EDRF1: variants seen among roughly 807,000 people sequenced by gnomAD.
The protein encoded by EDRF1 is erythroid differentiation-related factor 1.
In EDRF1, 69 loss-of-function variants were observed where a neutral mutation model predicts 148.7. The ratio of observed to expected loss-of-function variants is 0.46; its 90% CI spans 0.38 to 0.57. The LOEUF (loss-of-function observed/expected upper bound fraction) is 0.57, where lower values mean the gene tolerates loss of function less well. Ranked by LOEUF, EDRF1 falls within the 20% of genes least tolerant of loss-of-function variation. EDRF1 has a pLI of 0.00. For synonymous variants in EDRF1, 515 were observed against 532.8 expected, an observed-to-expected ratio of 0.97 and a Z score of 0.46; for missense variants, 1,118 against 1,478.7, an observed-to-expected ratio of 0.76 and a Z score of 4.00.
chr10:125,740,073 C>CT (rs1222287735), intron 15 of EDRF1, among the ~76,000 whole-genome samples: 1 of 152,180 alleles, frequency 6.6e-6, no homozygotes, highest in Non-Finnish European at 1.5e-5. Context: ...AAACATGCAA[C>CT]TAGCTAAGTG....
Position 125,723,127 on chromosome 10 carries a change from A to G in EDRF1, c.377A>G (p.Asp126Gly). 1.2e-6 allele frequency: 2 copies of G among 1,613,524 alleles called. No individual in the cohort carries two copies. The highest frequency in any genetic ancestry group is 1.7e-6 in the Non-Finnish European group (2 of 1,179,638). The change falls in exon 3 of 25, where the codon GAC (aspartate) becomes GGC (glycine). Residue 126 changes from aspartate to glycine, a missense_variant. By Grantham distance (94) the Asp-to-Gly change is moderately conservative (BLOSUM62 -1). This residue lies in a region of EDRF1 where 99 missense variants were observed against 186.9 expected (regional missense o/e 0.53). Coordinates refer to ENST00000356792, the MANE Select transcript of EDRF1 (RefSeq NM_001202438.2). Reference sequence around the variant, plus strand: ...GGAAATGATGTGGATGTTGTCTCTGACTCTGAAGTAAGTGTTATTTGTCGC... The same window carrying G: ...GGAAATGATGTGGATGTTGTCTCTGGCTCTGAAGTAAGTGTTATTTGTCGC... The part of the protein sequence containing the change: ...SVGNDVDVVS[D>G]SENIKKLLKI...
In EDRF1 at chr10:125,763,855, A is replaced by G. The variant is rs1482641778; in HGVS notation, c.*383A>G. ...GGTCAAGAGAACTTTTATCCAGATG[A>G]CATTACAGGTTCAAGTGGGTTAAGG... is the stretch of plus-strand genomic sequence containing the variant. On this transcript the variant is annotated 3_prime_UTR_variant, in exon 25 of 25. Coordinates refer to ENST00000356792, the MANE Select transcript of EDRF1 (RefSeq NM_001202438.2). The surrounding 1 kb of genome is among the most constrained non-coding windows in gnomAD (Gnocchi z 4.3). 7.0e-6 allele frequency: 2 copies of G among 286,456 alleles called. No individual in the cohort carries two copies. The highest frequency in any genetic ancestry group is 9.4e-5 in the East Asian group (1 of 10,634). The allele number at this position is 286,456 out of a possible 1,614,324, so 17.7% of individuals were successfully genotyped here. A position where few individuals can be genotyped will look rare whatever the true frequency, so the allele number is the denominator to read the frequency against.
rs138052539 is a variant in EDRF1 at position 125,749,691 on chromosome 10, CT to C, written c.3277+128del. ...TTTTAATTTGCCCCATAGTTAATGA[CT>C]TCGGGTAGAGAGGGTGAGAAATCAC... On this transcript the variant is annotated intron_variant, in intron 22 of 24. Coordinates refer to ENST00000356792, the MANE Select transcript of EDRF1 (RefSeq NM_001202438.2). The C allele has an allele frequency of 8.0e-3, 9,056 of 1,133,748 alleles. 355 individuals are homozygous for C. In the East Asian group the frequency reaches 0.12, roughly 15 times the overall value. 70.2% of individuals were successfully genotyped at this position (1,133,748 alleles called of 1,614,324 possible). A position where few individuals can be genotyped will look rare whatever the true frequency, so the allele number is the denominator to read the frequency against.
At chr10:125,749,264 A>G (rs1849526819) in intron 21 of EDRF1, 148 bp from the exon 22 acceptor site, 2 of 878,336 alleles carry the variant, frequency 2.3e-6, no homozygotes, top group South Asian at 3.1e-5. Flanking sequence ...AAAAAAAGAA[A>G]GGAAATGGAT....
At chr10:125,727,124 C>T (rs908540685) in intron 6 of EDRF1, among the ~76,000 whole-genome samples, 4 of 152,062 alleles carry the variant, frequency 2.6e-5, no homozygotes, top group African/African-American at 4.8e-5. Context: ...ATACAGCTGG[C>T]GAAACTCTCA....
In EDRF1 at chr10:125,729,207, C is replaced by T. The variant is rs955270795; in HGVS notation, c.894+103C>T. The T allele has an allele frequency of 4.9e-6, 7 of 1,441,358 alleles. No individual in the cohort carries two copies. In the African/African-American group the frequency reaches 7.1e-5, roughly 15 times the overall value. 89.3% of individuals were successfully genotyped at this position (1,441,358 alleles called of 1,614,324 possible). On this transcript the variant is annotated intron_variant, in intron 7 of 24. Coordinates refer to ENST00000356792, the MANE Select transcript of EDRF1 (RefSeq NM_001202438.2). ...TTGATAGGGAAAAACTCCACTTGAT[C>T]CTGAAACTGCTTTCTAAGCATCTTT...
At chr10:125,754,577 A>C (rs759104176) in intron 24 of EDRF1, among the ~76,000 whole-genome samples, 117 of 152,330 alleles carry the variant, frequency 7.7e-4, no homozygotes, top group African/African-American at 2.4e-3. Context: ...GAAGCAGGAG[A>C]GAAGAGCGCA....
rs1400595607 is a variant in EDRF1 at position 125,752,919 on chromosome 10, A to G, written c.3393+5A>G. The G allele has an allele frequency of 8.8e-6, 14 of 1,598,726 alleles. No individual in the cohort carries two copies. The highest frequency in any genetic ancestry group is 1.1e-5 in the South Asian group (1 of 90,724). On this transcript the variant is annotated splice_donor_5th_base_variant and intron_variant, in intron 23 of 24. Coordinates refer to ENST00000356792, the MANE Select transcript of EDRF1 (RefSeq NM_001202438.2). Reference sequence around the variant, plus strand: ...CTTATAGAAGAATTTGGCCAGGTACATGGAGAAAATGACTGTCTTTGGTTT... The same window carrying G: ...CTTATAGAAGAATTTGGCCAGGTACGTGGAGAAAATGACTGTCTTTGGTTT...
At chr10:125,735,085 A>G (rs2133700429) in intron 12 of EDRF1, among the ~76,000 whole-genome samples, 1 of 152,302 alleles carries the variant, frequency 6.6e-6, no homozygotes, top group Non-Finnish European at 1.5e-5. Flanking sequence ...GGTGTTAAAG[A>G]CTATTGTCTG....
Position 125,747,535 on chromosome 10 carries a change from G to A in EDRF1, c.2815-1G>A. 6.2e-7 allele frequency: 1 copy of A among 1,614,102 alleles called. No individual in the cohort carries two copies. ...AATGTACACTGTTTTCTCCTTTGCA[G>A]GCTATTGATTACTATTTGAAAGCGC... On this transcript the variant is annotated splice_acceptor_variant, in intron 19 of 24. Transcript: ENST00000356792. LOFTEE classifies it high-confidence loss of function.
rs1277167482 is a variant in EDRF1, at chr10:125,741,149, A to G, written c.2319A>G (p.Thr773=). The change falls in exon 17 of 25, where the codon ACA becomes ACG. Residue 773 remains threonine (T), a synonymous_variant. Coordinates refer to ENST00000356792, the MANE Select transcript of EDRF1 (RefSeq NM_001202438.2). Reference sequence around the variant, plus strand: ...ACCTTGAAGAGTTTCATTACCAAACAAAAGAAGACCAGGAGATCCTGCATA... The same window carrying G: ...ACCTTGAAGAGTTTCATTACCAAACGAAAGAAGACCAGGAGATCCTGCATA... ...AAHLEEFHYQ[T]KEDQEILHSL... is the part of the protein sequence containing the mutation. 1.9e-6 allele frequency: 3 copies of G among 1,614,084 alleles called. No homozygotes were observed. Among genetic ancestry groups the G allele is most frequent in the Non-Finnish European group, 2.5e-6 (3 of 1,180,044 alleles).
At chr10:125,762,974 C>G (rs1385054608) in intron 24 of EDRF1, among the ~76,000 whole-genome samples, 2 of 152,076 alleles carry the variant, frequency 1.3e-5, no homozygotes, top group African/African-American at 4.8e-5. Context: ...CAAACTCCTA[C>G]CTCAATAGGA....
At chr10:125,735,621 CAT>C (rs1275548908) in intron 12 of EDRF1, 21 bp from the exon 13 acceptor site, 1 of 1,608,266 alleles carries the variant, frequency 6.2e-7, no homozygotes, top group Non-Finnish European at 8.5e-7. Context: ...GTAATTTACA[CAT>C]ATTTCTCTCT....
chr10:125,749,637 G>A (rs751101076), intron 22 of EDRF1, 72 bp downstream of exon 22: 7 of 1,545,048 alleles, frequency 4.5e-6, no homozygotes, highest in Non-Finnish European at 6.2e-6. Context: ...AGTAAGGCAG[G>A]CCTGTGAATC....
At chr10:125,738,518 T>A (rs1299829615) in intron 15 of EDRF1, 73 bp downstream of exon 15, 2 of 1,575,028 alleles carry the variant, frequency 1.3e-6, no homozygotes, top group African/African-American at 1.3e-5. Context: ...AGCAGACTTA[T>A]GTCAATTAAG....
intron 8 of EDRF1, among the ~76,000 whole-genome samples, chr10:125,729,884 A>G (rs186115531): frequency 6.6e-6 from 1 of 152,360 alleles, no homozygotes; most frequent in African/African-American, 2.4e-5. Context: ...TTAGATTCCT[A>G]CTAACTACTT....
intron 21 of EDRF1, 159 bp from the exon 22 acceptor site, chr10:125,749,253 A>G: frequency 2.4e-6 from 2 of 838,776 alleles, no homozygotes; most frequent in South Asian, 1.6e-5. Context: ...GTCTCAAAAA[A>G]AAAAAAAGAA....
intron 9 of EDRF1, among the ~76,000 whole-genome samples, chr10:125,731,020 G>A (rs1043945950): frequency 6.6e-6 from 1 of 152,124 alleles, no homozygotes; most frequent in African/African-American, 2.4e-5. Context: ...GGTGGTACAT[G>A]TCTGTAGTCC....
At chr10:125,761,025 A>C (rs1850166884) in intron 24 of EDRF1, among the ~76,000 whole-genome samples, 1 of 152,204 alleles carries the variant, frequency 6.6e-6, no homozygotes, top group South Asian at 2.1e-4. Context: ...GGGTCCTGGA[A>C]CCAATCCTCC....
Sources: gnomAD v4.1 joint callset for allele counts (sites outside exome capture counted in the v4.1 genomes callset) on GRCh38, gnomAD v4.1.1 for gene constraint, gnomAD v4.1.1 regional missense constraint, Gnocchi (gnomAD v3.1) non-coding constraint, MANE v1.5 for transcripts, NCBI Gene and HGNC (gene_info 2026-07-23, HGNC 2026-07-21) for gene names.